The following KAZN variants were observed in gnomAD, a reference collection of about 807,000 sequenced individuals.
The protein encoded by KAZN is kazrin, periplakin interacting protein.
KAZN carries 40 observed loss-of-function variants against 87.4 expected under a neutral mutation model. The ratio of observed to expected loss-of-function variants is 0.46; its 90% CI spans 0.36 to 0.60. The LOEUF is 0.60. KAZN is among the 20% of genes least tolerant of loss of function. The probability of loss-of-function intolerance (pLI) is 0.00; values close to 1 mark genes in which losing one functional copy is unlikely to be tolerated. For missense variants in KAZN, 898 were observed against 1,073.9 expected (o/e 0.84, Z 2.29); for synonymous variants, 466 against 458.3 (o/e 1.02, Z -0.22).
chr1:14,181,536 G>A (rs2100316573), intron 2 of KAZN, among the ~76,000 whole-genome samples: 1 of 152,280 alleles, frequency 6.6e-6, no homozygotes, highest in African/African-American at 2.4e-5. Flanking sequence ...TTAACTGGCT[G>A]TGCCTTTGTG....
chr1:14,790,063 C>T lies in KAZN; in HGVS notation c.227-170621C>T, dbSNP rs148068211. Among the ~76,000 whole-genome samples, 332 of 151,710 alleles carry T rather than the reference C, an allele frequency of 2.2e-3. 1 individual carries two copies. The highest frequency in any genetic ancestry group is 3.6e-3 in the Admixed American group (54 of 15,206). On this transcript the variant is annotated intron_variant, in intron 1 of 14. Transcript: ENST00000376030. ...TGTTGCCCAGGCTGGAGTGCAATGG[C>T]GCAATCTTGACTCACCGCAACCTCC...
At position 14,438,439 on chromosome 1, in the gene KAZN, G is replaced by C. The variant is rs538443007; in HGVS notation, c.250-160544G>C. 2.6e-5 allele frequency among the ~76,000 whole-genome samples: 4 copies of C among 152,222 alleles called. 1 individual carries two copies. The highest frequency in any genetic ancestry group is 2.6e-4 in the Admixed American group (4 of 15,288). On this transcript the variant is annotated intron_variant, in intron 2 of 16. Transcript: ENST00000636203. The stretch of plus-strand genomic sequence containing the variant: ...AAGAGAGGGCAGAATAAGGGGACAG[G>C]GAACGGGGCCGGCCAGGAAAGATTC...
intron 2 of KAZN, among the ~76,000 whole-genome samples, chr1:15,022,044 A>G (rs1173600329): frequency 2.0e-5 from 3 of 152,150 alleles, no homozygotes; most frequent in Non-Finnish European, 2.9e-5. Context: ...CCAGGATTCA[A>G]TTACCTTCTA....
intron 2 of KAZN, among the ~76,000 whole-genome samples, chr1:14,193,233 C>G (rs1267267788): frequency 6.6e-6 from 1 of 152,160 alleles, no homozygotes; most frequent in Non-Finnish European, 1.5e-5. Flanking sequence ...TAACCTCTTT[C>G]TTTTATAAAT....
Position 14,498,567 on chromosome 1 carries a change from C to T in KAZN, c.250-100416C>T, listed in dbSNP as rs576078122. On this transcript the variant is annotated intron_variant, in intron 2 of 16. Transcript: ENST00000636203. ...ATTAGCTGGGTGTGGTGGTGGGTGC[C>T]TGTAATCCCAGCTACTTGGTGGGCT... 1.4e-4 allele frequency among the ~76,000 whole-genome samples: 22 copies of T among 152,274 alleles called. 1 individual carries two copies. In the East Asian group the frequency reaches 3.7e-3, roughly 25 times the overall value.
chr1:14,382,867 A>G (rs1661498236), intron 2 of KAZN, among the ~76,000 whole-genome samples: 1 of 151,960 alleles, frequency 6.6e-6, no homozygotes, highest in Admixed American at 6.6e-5. Flanking sequence ...TGGTGTTTCT[A>G]GTTCTAGATC....
chr1:14,255,119 C>CAAA (rs71570191), intron 2 of KAZN, among the ~76,000 whole-genome samples: 117 of 82,752 alleles, frequency 1.4e-3, no homozygotes, highest in Non-Finnish European at 2.0e-3. Context: ...GACTCTGTCT[C>CAAA]AAAAAAAAAA....
At chr1:14,263,202 T>C (rs1263178183) in intron 2 of KAZN, among the ~76,000 whole-genome samples, 1 of 152,204 alleles carries the variant, frequency 6.6e-6, no homozygotes, top group African/African-American at 2.4e-5. Flanking sequence ...TTGAAAGCCA[T>C]AGACCATAAA....
intron 2 of KAZN, among the ~76,000 whole-genome samples, chr1:14,377,697 T>C (rs1661027627): frequency 6.6e-6 from 1 of 152,214 alleles, no homozygotes; most frequent in African/African-American, 2.4e-5. Flanking sequence ...TTTTCTAGTA[T>C]GGAAAGCCTG....
At chr1:14,236,221 GC>G (rs1648409654) in intron 2 of KAZN, among the ~76,000 whole-genome samples, 1 of 152,168 alleles carries the variant, frequency 6.6e-6, no homozygotes, top group Non-Finnish European at 1.5e-5. Context: ...TCCAGCTCCT[GC>G]CTGACTTCCC....
At chr1:14,864,674 C>T (rs1221186461) in intron 1 of KAZN, among the ~76,000 whole-genome samples, 5 of 152,136 alleles carry the variant, frequency 3.3e-5, no homozygotes, top group African/African-American at 7.2e-5. Context: ...AGCTGGTGAA[C>T]GTGGTTTTTT....
intron 2 of KAZN, among the ~76,000 whole-genome samples, chr1:14,338,026 A>G (rs1325293145): frequency 6.6e-6 from 1 of 151,976 alleles, no homozygotes; most frequent in African/African-American, 2.4e-5. Context: ...TTTTATCCAC[A>G]TTTCCTTGAG....
intron 2 of KAZN, among the ~76,000 whole-genome samples, chr1:14,251,905 T>C (rs756275860): frequency 2.6e-5 from 4 of 152,032 alleles, no homozygotes; most frequent in Non-Finnish European, 5.9e-5. Flanking sequence ...TGCCTCGATC[T>C]CCCAAAGTGC....
At chr1:14,480,013 C>T (rs1203031628) in intron 2 of KAZN, among the ~76,000 whole-genome samples, 1 of 152,226 alleles carries the variant, frequency 6.6e-6, no homozygotes, top group Non-Finnish European at 1.5e-5. Flanking sequence ...TGAGTCACTG[C>T]TTTAGACACA....
chr1:14,220,290 C>T (rs886177082), intron 2 of KAZN, among the ~76,000 whole-genome samples: 2 of 152,158 alleles, frequency 1.3e-5, no homozygotes, highest in Non-Finnish European at 2.9e-5. Flanking sequence ...AATTGATATG[C>T]CCAAAATTGG....
intron 2 of KAZN, among the ~76,000 whole-genome samples, chr1:14,997,046 TCTC>T (rs1286892878): frequency 6.6e-6 from 1 of 151,850 alleles, no homozygotes; most frequent in Non-Finnish European, 1.5e-5. Flanking sequence ...GTTCCTGACT[TCTC>T]CTCATCCTTC....
chr1:14,402,764 G>C (rs1214279869), intron 2 of KAZN, among the ~76,000 whole-genome samples: 4 of 151,854 alleles, frequency 2.6e-5, no homozygotes, highest in Non-Finnish European at 4.4e-5. Flanking sequence ...TATGACACTG[G>C]TGAAGAAATA....
At chr1:14,095,133 A>T (rs1644099183) in intron 1 of KAZN, among the ~76,000 whole-genome samples, 1 of 152,128 alleles carries the variant, frequency 6.6e-6, no homozygotes, top group African/African-American at 2.4e-5. Context: ...CTGGGTGTGT[A>T]CCATCACCAT....
intron 2 of KAZN, among the ~76,000 whole-genome samples, chr1:14,570,455 C>T (rs2148544030): frequency 6.6e-6 from 1 of 152,296 alleles, no homozygotes; most frequent in East Asian, 1.9e-4. Flanking sequence ...ACTAGTTCTA[C>T]TCATTCTGGA....
Sources: gnomAD v4.1 joint callset for allele counts (sites outside exome capture counted in the v4.1 genomes callset) on GRCh38, gnomAD v4.1.1 for gene constraint, MANE v1.5 for transcripts, NCBI Gene and HGNC (gene_info 2026-07-23, HGNC 2026-07-21) for gene names.